RBFOX3: variants seen among roughly 807,000 people sequenced by gnomAD.
RBFOX3 encodes the protein RNA binding fox-1 homolog 3, also known as RNA binding protein fox-1 homolog 3.
RBFOX3 carries 17 observed loss-of-function variants against 48.7 expected under a neutral mutation model. The observed-to-expected ratio is 0.35, with a 90% CI of 0.24 to 0.52. The LOEUF (loss-of-function observed/expected upper bound fraction) is 0.52, where lower values mean the gene tolerates loss of function less well. Among genes scored for constraint, RBFOX3 ranks in the 20% least tolerant of loss-of-function variants. RBFOX3 has a pLI of 0.94. For synonymous variants in RBFOX3, 212 were observed against 209.5 expected, an observed-to-expected ratio of 1.01 and a Z score of -0.10; for missense variants, 382 against 497.5, an observed-to-expected ratio of 0.77 and a Z score of 2.21.
intron 2 of RBFOX3, among the ~76,000 whole-genome samples, chr17:79,403,782 C>CTTTTTTTTTT (rs781618072): frequency 1.6e-5 from 2 of 124,354 alleles, no homozygotes; most frequent in African/African-American, 3.0e-5. Flanking sequence ...TGTTCTTTTT[C>CTTTTTTTTTT]TTTTTTTTTT....
At chr17:79,404,806 G>A (rs547145635) in intron 2 of RBFOX3, among the ~76,000 whole-genome samples, 1 of 152,306 alleles carries the variant, frequency 6.6e-6, no homozygotes, top group East Asian at 1.9e-4. Context: ...GAGTCCAGCT[G>A]CCTTCCTACC....
intron 3 of RBFOX3, among the ~76,000 whole-genome samples, chr17:79,240,172 A>G (rs906454560): frequency 1.3e-5 from 2 of 152,222 alleles, no homozygotes; most frequent in African/African-American, 2.4e-5. Context: ...TCTTCTGTCC[A>G]TAAAACATTT....
rs3046721 is a variant in RBFOX3 at position 79,200,162 on chromosome 17, CAA to C, written c.-34+35602_-34+35603del. On this transcript the variant is annotated intron_variant, in intron 4 of 14. Coordinates refer to ENST00000693108, the MANE Select transcript of RBFOX3 (RefSeq NM_001350451.2). ...TGGGTGACAGAGCGAGACTCCGTCT[CAA>C]AAAAAAAAAAAAAAAAAAATTGGGA... Among the ~76,000 whole-genome samples, 50 of 110,942 alleles carry C rather than the reference CAA, an allele frequency of 4.5e-4. No homozygotes were observed. In the East Asian group the frequency reaches 0.011, roughly 24 times the overall value. The allele number at this position is 110,942 out of a possible 152,430, so 72.8% of individuals were successfully genotyped here.
Position 79,477,555 on chromosome 17 carries a change from CCGG to C in RBFOX3, c.-175+4896_-175+4898del, listed in dbSNP as rs1376244626. Among the ~76,000 whole-genome samples the C allele has an allele frequency of 7.1e-6, 1 of 140,232 alleles. No individual in the cohort carries two copies. Among genetic ancestry groups the C allele is most frequent in the East Asian group, 4.0e-4 (1 of 2,518 alleles). The allele number at this position is 140,232 out of a possible 152,430, so 92.0% of individuals were successfully genotyped here. ...TGGGCGACAGAGCGAAACTCCGTCA[CCGG>C]AAAAAAAAAAAGAGGAGGAGGAGTA... On this transcript the variant is annotated intron_variant, in intron 2 of 14. Coordinates refer to ENST00000693108, the MANE Select transcript of RBFOX3 (RefSeq NM_001350451.2). The surrounding 1 kb of genome is among the most constrained non-coding windows in gnomAD (Gnocchi z 4.8).
the RBFOX3 span, among the ~76,000 whole-genome samples, chr17:79,620,651 A>T: frequency 2.7e-3 from 7 of 2,554 alleles, no homozygotes; most frequent in Non-Finnish European, 7.0e-3. Flanking sequence ...ACACACACGG[A>T]CATGCACACA....
chr17:79,094,544 G>T lies in RBFOX3; in HGVS notation c.999-15C>A. 2.5e-6 allele frequency: 3 copies of T among 1,194,878 alleles called. No individual in the cohort carries two copies. The highest frequency in any genetic ancestry group is 3.3e-6 in the Non-Finnish European group (3 of 897,492). The allele number at this position is 1,194,878 out of a possible 1,614,324, so 74.0% of individuals were successfully genotyped here. On this transcript the variant is annotated splice_polypyrimidine_tract_variant and intron_variant, in intron 13 of 14. Transcript: ENST00000693108. ...CTCTGCCGTAACTAGGGAAGAGCGT[G>T]GGAGGGGGAGTGGGAGGAGGGTGGG... is the stretch of plus-strand genomic sequence containing the variant.
At chr17:79,581,002 CT>C (rs2093039746) in intron 1 of RBFOX3, among the ~76,000 whole-genome samples, 2 of 152,216 alleles carry the variant, frequency 1.3e-5, no homozygotes, top group African/African-American at 4.8e-5. Context: ...AATCCCAGCA[CT>C]TTGGGAGGCC....
chr17:79,090,768 G>GTTT lies in RBFOX3; in HGVS notation c.*114_*115insAAA. ...TGGTTGGATGCCTCTTGGTTTGGTT[G>GTTT]GTTTTTTTTTTGTTGCTTGGATCTT... On this transcript the variant is annotated 3_prime_UTR_variant, in exon 15 of 15. Coordinates refer to ENST00000693108, the MANE Select transcript of RBFOX3 (RefSeq NM_001350451.2). 1.6e-6 allele frequency: 2 copies of GTTT among 1,280,072 alleles called. No individual in the cohort carries two copies. Among genetic ancestry groups the GTTT allele is most frequent in the South Asian group, 3.1e-5 (2 of 65,434 alleles). 79.3% of individuals were successfully genotyped at this position (1,280,072 alleles called of 1,614,324 possible).
chr17:79,443,697 A>G lies in RBFOX3; in HGVS notation c.-175+38757T>C, dbSNP rs1555736381. ...CGCACCCTCTTGTTCACTGTCTCAC[A>G]TGTGCACACACTCGTTCTCACATGC... On this transcript the variant is annotated intron_variant, in intron 2 of 14. Transcript: ENST00000693108. The surrounding 1 kb of genome is among the most constrained non-coding windows in gnomAD (Gnocchi z 4.4). Among the ~76,000 whole-genome samples the G allele has an allele frequency of 6.6e-6, 1 of 152,100 alleles. No individual in the cohort carries two copies. Among genetic ancestry groups the G allele is most frequent in the East Asian group, 1.9e-4 (1 of 5,174 alleles).
intron 1 of RBFOX3, among the ~76,000 whole-genome samples, chr17:79,508,251 C>T (rs1427869646): frequency 5.9e-5 from 9 of 152,122 alleles, no homozygotes; most frequent in African/African-American, 2.2e-4. Flanking sequence ...AGCGTCAGCT[C>T]CCCGAGAGGG....
At chr17:79,431,374 T>C (rs1164999235) in intron 2 of RBFOX3, among the ~76,000 whole-genome samples, 3 of 152,136 alleles carry the variant, frequency 2.0e-5, no homozygotes, top group Non-Finnish European at 4.4e-5. Context: ...AGTGCAACGA[T>C]GCAATCTTGG....
chr17:79,561,009 CCAGA>C (rs1285390325), intron 1 of RBFOX3, among the ~76,000 whole-genome samples: 1 of 152,200 alleles, frequency 6.6e-6, no homozygotes, highest in African/African-American at 2.4e-5. Flanking sequence ...AGGCTCCCCA[CCAGA>C]CAGAGCTGGG....
intron 3 of RBFOX3, among the ~76,000 whole-genome samples, chr17:79,255,224 T>C (rs963259705): frequency 3.4e-5 from 3 of 87,760 alleles, no homozygotes; most frequent in African/African-American, 9.8e-5. Context: ...CATGTGTGCG[T>C]GTGTGTGTGT....
At chr17:79,124,737 C>T (rs1007075649) in intron 4 of RBFOX3, among the ~76,000 whole-genome samples, 4 of 152,234 alleles carry the variant, frequency 2.6e-5, no homozygotes, top group Non-Finnish European at 5.9e-5. Context: ...CGCTCTCCAC[C>T]CCTTACCCCG....
chr17:79,641,641 C>A, the RBFOX3 span, among the ~76,000 whole-genome samples: 2 of 152,278 alleles, frequency 1.3e-5, no homozygotes, highest in African/African-American at 4.8e-5. Flanking sequence ...GAAAATCCTG[C>A]CATTTGCAAC....
chr17:79,355,269 T>C (rs1001955501), intron 2 of RBFOX3, among the ~76,000 whole-genome samples: 1 of 152,230 alleles, frequency 6.6e-6, no homozygotes, highest in Middle Eastern at 3.2e-3. Flanking sequence ...TGAACAAGCA[T>C]GTGAAGCCTG....
At position 79,198,060 on chromosome 17, in the gene RBFOX3, G is replaced by A. The variant is rs2056024344; in HGVS notation, c.-34+37706C>T. On this transcript the variant is annotated intron_variant, in intron 4 of 14. Coordinates refer to ENST00000693108, the MANE Select transcript of RBFOX3 (RefSeq NM_001350451.2). The surrounding 1 kb of genome is among the most constrained non-coding windows in gnomAD (Gnocchi z 8.2). ...TGCCTCTGTCTGCGTCAGGAGAGTC[G>A]TGTGGGGTGGGCTTGTCATCCCGGA... Among the ~76,000 whole-genome samples, 1 of 140,534 alleles carries A rather than the reference G, an allele frequency of 7.1e-6. No homozygotes were observed. The highest frequency in any genetic ancestry group is 2.1e-4 in the East Asian group (1 of 4,744). The allele number at this position is 140,534 out of a possible 152,430, so 92.2% of individuals were successfully genotyped here.
At chr17:79,185,531 A>T (rs2053225143) in intron 4 of RBFOX3, among the ~76,000 whole-genome samples, 1 of 152,024 alleles carries the variant, frequency 6.6e-6, no homozygotes, top group Non-Finnish European at 1.5e-5. Context: ...TCCAGAAGCC[A>T]TCCCTCTTTT....
At chr17:79,662,281 C>A in the RBFOX3 span, among the ~76,000 whole-genome samples, 1 of 151,876 alleles carries the variant, frequency 6.6e-6, no homozygotes. Flanking sequence ...CACCACCACA[C>A]CTGGCTAATT....
Sources: gnomAD v4.1 joint callset for allele counts (sites outside exome capture counted in the v4.1 genomes callset) on GRCh38, gnomAD v4.1.1 for gene constraint, Gnocchi (gnomAD v3.1) non-coding constraint, MANE v1.5 for transcripts, NCBI Gene and HGNC (gene_info 2026-07-23, HGNC 2026-07-21) for gene names.